The following DCT variants were observed in gnomAD, a reference collection of about 807,000 sequenced individuals.
The protein encoded by DCT is dopachrome tautomerase, also known as L-dopachrome tautomerase.
DCT carries 47 observed loss-of-function variants against 53.0 expected under a neutral mutation model. The ratio of observed to expected loss-of-function variants is 0.89; its 90% CI spans 0.70 to 1.13. DCT has a LOEUF of 1.13. DCT is among the 50% of genes most tolerant of loss of function. DCT has a pLI of 0.00. For synonymous variants in DCT, 244 were observed against 237.0 expected, an observed-to-expected ratio of 1.03 and a Z score of -0.27; for missense variants, 669 against 637.4, an observed-to-expected ratio of 1.05 and a Z score of -0.53.
Position 94,479,453 on chromosome 13 carries a change from C to G in DCT, c.-198G>C. 2 of 532,328 alleles carry G rather than the reference C, an allele frequency of 3.8e-6. No homozygotes were observed. Among genetic ancestry groups the G allele is most frequent in the East Asian group, 6.1e-5 (2 of 32,758 alleles). 33.0% of individuals were successfully genotyped at this position (532,328 alleles called of 1,614,324 possible). A position where few individuals can be genotyped will look rare whatever the true frequency, so the allele number is the denominator to read the frequency against. ...GTGCACATGTGTACATGAACGTGCA[C>G]ACACAATTTTATGTGATTCAAACAA... On this transcript the variant is annotated 5_prime_UTR_variant, in exon 1 of 8. Coordinates refer to ENST00000377028, the MANE Select transcript of DCT (RefSeq NM_001922.5).
intron 6 of DCT, among the ~76,000 whole-genome samples, chr13:94,454,093 G>A (rs1184784416): frequency 6.6e-6 from 1 of 152,134 alleles, no homozygotes; most frequent in Non-Finnish European, 1.5e-5. Flanking sequence ...TGTGGTTTTA[G>A]AAATTCATTT....
intron 1 of DCT, among the ~76,000 whole-genome samples, chr13:94,472,425 G>A (rs1405448187): frequency 6.7e-6 from 1 of 149,090 alleles, no homozygotes; most frequent in African/African-American, 2.5e-5. Context: ...CTTCCTTTAT[G>A]CTACCATAGC....
the DCT span, among the ~76,000 whole-genome samples, chr13:94,549,108 A>G: frequency 7.2e-5 from 11 of 152,224 alleles, no homozygotes; most frequent in Non-Finnish European, 1.5e-4. Context: ...CCCCAGGGCC[A>G]GACCCAGGGC....
chr13:94,469,256 C>A (rs936537678), intron 1 of DCT, among the ~76,000 whole-genome samples: 1 of 152,138 alleles, frequency 6.6e-6, no homozygotes, highest in Non-Finnish European at 1.5e-5. Context: ...ACATTCCCAG[C>A]AAAGAAACAG....
At chr13:94,516,252 G>C in the DCT span, among the ~76,000 whole-genome samples, 1 of 152,152 alleles carries the variant, frequency 6.6e-6, no homozygotes, top group Non-Finnish European at 1.5e-5. Flanking sequence ...GCCAAGTGCA[G>C]GTGGGTAGGG....
chr13:94,543,251 C>T, the DCT span, among the ~76,000 whole-genome samples: 1 of 152,128 alleles, frequency 6.6e-6, no homozygotes, highest in African/African-American at 2.4e-5. Context: ...AGAATTCATC[C>T]GGTGAGGCCA....
chr13:94,452,967 C>G (rs547951620), intron 6 of DCT, among the ~76,000 whole-genome samples: 1 of 151,996 alleles, frequency 6.6e-6, no homozygotes, highest in Non-Finnish European at 1.5e-5. Flanking sequence ...AGTGATAATA[C>G]GGACTTCATT....
At chr13:94,516,445 T>C in the DCT span, among the ~76,000 whole-genome samples, 1 of 152,254 alleles carries the variant, frequency 6.6e-6, no homozygotes, top group East Asian at 1.9e-4. Context: ...GATTTCACGG[T>C]TTGTCTCATT....
chr13:94,453,570 A>G (rs1368029350), intron 6 of DCT, among the ~76,000 whole-genome samples: 4 of 151,952 alleles, frequency 2.6e-5, no homozygotes, highest in Non-Finnish European at 5.9e-5. Flanking sequence ...GCAATGCCCT[A>G]TTGATATGGT....
chr13:94,509,882 A>G, the DCT span, among the ~76,000 whole-genome samples: 57,666 of 151,980 alleles, frequency 0.38, 11,423 homozygotes, highest in East Asian at 0.61. Context: ...TCATGTGCCC[A>G]GCACTCAATA....
At chr13:94,537,033 C>G in the DCT span, among the ~76,000 whole-genome samples, 2 of 152,154 alleles carry the variant, frequency 1.3e-5, no homozygotes, top group Non-Finnish European at 2.9e-5. Context: ...AACCATGAAC[C>G]AAATAAATCT....
At chr13:94,516,322 T>A in the DCT span, among the ~76,000 whole-genome samples, 1 of 152,106 alleles carries the variant, frequency 6.6e-6, no homozygotes, top group Non-Finnish European at 1.5e-5. Context: ...GGTAGGCTAT[T>A]TTCTACATTA....
the DCT span, among the ~76,000 whole-genome samples, chr13:94,488,721 TATACACACACAC>T: frequency 8.5e-3 from 637 of 74,648 alleles, 3 homozygotes; most frequent in Middle Eastern, 0.032. Flanking sequence ...TTGTCTAATA[TATACACACACAC>T]ACACACACAC....
chr13:94,473,657 G>C (rs1884893573), intron 1 of DCT, among the ~76,000 whole-genome samples: 2 of 152,222 alleles, frequency 1.3e-5, no homozygotes, highest in South Asian at 4.1e-4. Flanking sequence ...CAGAAAATCA[G>C]AGATGCTTCA....
chr13:94,472,544 A>T (rs1211380157), intron 1 of DCT, among the ~76,000 whole-genome samples: 7 of 26,704 alleles, frequency 2.6e-4, no homozygotes, highest in Non-Finnish European at 3.9e-4. Context: ...ATATATATAT[A>T]TATATATATA....
the DCT span, among the ~76,000 whole-genome samples, chr13:94,543,081 G>A: frequency 2.0e-5 from 3 of 152,170 alleles, no homozygotes; most frequent in Non-Finnish European, 4.4e-5. Context: ...GGGTTATCCT[G>A]TTGGATGGTT....
At chr13:94,506,801 A>G in the DCT span, among the ~76,000 whole-genome samples, 1 of 152,348 alleles carries the variant, frequency 6.6e-6, no homozygotes, top group East Asian at 1.9e-4. Flanking sequence ...CAAATTTAGC[A>G]TCACCATGAT....
chr13:94,458,055 A>G (rs1042390190), intron 6 of DCT, among the ~76,000 whole-genome samples: 2 of 152,200 alleles, frequency 1.3e-5, no homozygotes, highest in African/African-American at 4.8e-5. Context: ...CAGACAAATT[A>G]TGAACATTGT....
At chr13:94,440,666 T>G (rs767127647) in intron 7 of DCT, among the ~76,000 whole-genome samples, 17 of 146,994 alleles carry the variant, frequency 1.2e-4, no homozygotes, top group Non-Finnish European at 1.9e-4. Flanking sequence ...TTAGTGGATT[T>G]CATTTTTTGG....
Sources: allele counts gnomAD v4.1 joint callset (sites outside exome capture counted in the v4.1 genomes callset), GRCh38; gene constraint gnomAD v4.1.1; transcripts MANE v1.5; gene names NCBI Gene and HGNC (gene_info 2026-07-23, HGNC 2026-07-21).